Variants in ACOT11 observed in about 807,000 individuals in gnomAD.
ACOT11 encodes acyl-CoA thioesterase 11.
ACOT11 carries 69 observed loss-of-function variants against 77.5 expected under a neutral mutation model. The observed-to-expected ratio is 0.89, with a 90% CI of 0.73 to 1.09. ACOT11 has a LOEUF of 1.09. ACOT11 is among the 50% of genes least tolerant of loss of function. ACOT11 has a pLI of 0.00. For synonymous variants in ACOT11, 279 were observed against 313.0 expected (o/e 0.89, Z 1.15); for missense variants, 766 against 813.7 (o/e 0.94, Z 0.71).
intron 1 of ACOT11, among the ~76,000 whole-genome samples, chr1:54,562,299 G>A (rs1653540865): frequency 4.4e-5 from 5 of 113,918 alleles, no homozygotes; most frequent in African/African-American, 2.0e-4. Flanking sequence ...GGACGGGGCG[G>A]CTGGCCGGGT....
chr1:54,580,683 G>A (rs1654275265), intron 1 of ACOT11, among the ~76,000 whole-genome samples: 1 of 152,132 alleles, frequency 6.6e-6, no homozygotes. Flanking sequence ...CCCCAAATCT[G>A]TGCCAGGCAC....
chr1:54,612,600 T>G (rs773431784), downstream of ACOT11: 3 of 1,611,260 alleles, frequency 1.9e-6, no homozygotes, highest in Non-Finnish European at 8.5e-7. Flanking sequence ...GTGCATCTTC[T>G]CCACCATGGC....
At chr1:54,561,407 A>AC (rs1306383807) in intron 1 of ACOT11, among the ~76,000 whole-genome samples, 2 of 110,680 alleles carry the variant, frequency 1.8e-5, no homozygotes, top group Non-Finnish European at 3.6e-5. Flanking sequence ...TTCAGAGAGC[A>AC]CAGGGTTGGG....
chr1:54,611,494 C>T (rs1644117655), downstream of ACOT11: 3 of 1,108,914 alleles, frequency 2.7e-6, no homozygotes, highest in East Asian at 7.3e-5. Flanking sequence ...CCTGTCCCAC[C>T]CCGGCCTTCC....
At position 54,601,294 on chromosome 1, in the gene ACOT11, GC is replaced by G; in HGVS notation, c.912del (p.Tyr305IlefsTer17). The G allele has an allele frequency of 6.2e-7, 1 of 1,612,520 alleles. No individual in the cohort carries two copies. The highest frequency in any genetic ancestry group is 1.1e-5 in the South Asian group (1 of 91,082). On this transcript the variant is annotated frameshift_variant, in exon 9 of 16. Transcript: ENST00000343744. LOFTEE classifies it high-confidence loss of function. ...HSMEVGVCVE[A>X]YRQEAETHRR... ...CATGGAGGTGGGCGTGTGCGTGGAG[GC>G]CTATCGCCAGGAGGCTGAGACCCAC...
At chr1:54,601,989 C>T (rs930816333) in intron 9 of ACOT11, among the ~76,000 whole-genome samples, 2 of 152,264 alleles carry the variant, frequency 1.3e-5, no homozygotes, top group Non-Finnish European at 1.5e-5. Flanking sequence ...AGGCCGCTCC[C>T]TCCCTTGGGG....
chr1:54,572,093 C>T (rs191109083), intron 1 of ACOT11, among the ~76,000 whole-genome samples: 1 of 152,002 alleles, frequency 6.6e-6, no homozygotes, highest in African/African-American at 2.4e-5. Flanking sequence ...CCTGTCCTCC[C>T]TTCCTGCTCG....
chr1:54,584,750 C>T lies in ACOT11; in HGVS notation c.129C>T (p.Asn43=), dbSNP rs1396275471. 10 of 1,613,974 alleles carry T rather than the reference C, an allele frequency of 6.2e-6. No individual in the cohort carries two copies. The highest frequency in any genetic ancestry group is 5.3e-5 in the African/African-American group (4 of 74,922). Residue 43 remains asparagine, a synonymous_variant, in exon 2 of 16, where the codon AAC becomes AAT. Transcript: ENST00000343744. The surrounding 1 kb of genome is among the most constrained non-coding windows in gnomAD (Gnocchi z 6.3). ...TGGCAGACGGCGAGGGATACCGGAA[C>T]CCCACGGAGGTGCAGATGAGCCAGC... The part of the protein sequence containing the change: ...SAMADGEGYR[N]PTEVQMSQLV...
chr1:54,592,231 G>C (rs1157349861), intron 3 of ACOT11, among the ~76,000 whole-genome samples: 1 of 152,152 alleles, frequency 6.6e-6, no homozygotes, highest in East Asian at 1.9e-4. Context: ...GGTCCCCTGA[G>C]GAGGGGACCA....
chr1:54,614,450 C>A (rs1194362372), downstream of ACOT11, among the ~76,000 whole-genome samples: 2 of 152,040 alleles, frequency 1.3e-5, no homozygotes, highest in African/African-American at 4.8e-5. Flanking sequence ...GGTTGAGGGG[C>A]CCAGAGGAAG....
At chr1:54,600,176 T>G (rs1397082541) in intron 8 of ACOT11, among the ~76,000 whole-genome samples, 1 of 152,240 alleles carries the variant, frequency 6.6e-6, no homozygotes, top group Non-Finnish European at 1.5e-5. Flanking sequence ...CAGTCTGACT[T>G]GCACACGTTC....
intron 1 of ACOT11, among the ~76,000 whole-genome samples, chr1:54,581,075 T>C (rs972427970): frequency 6.6e-6 from 1 of 152,168 alleles, no homozygotes; most frequent in African/African-American, 2.4e-5. Context: ...TGAGGCTTGC[T>C]CTTTAGAAAG....
At position 54,609,878 on chromosome 1, in the gene ACOT11, G is replaced by A; in HGVS notation, c.*766G>A. ...GTTGCCACTTGGAGTATGAACAATG[G>A]GCACGGGGTTTTCAGCCACAGTTCC... On this transcript the variant is annotated 3_prime_UTR_variant, in exon 16 of 16. Transcript: ENST00000343744. The A allele has an allele frequency of 6.2e-7, 1 of 1,613,450 alleles. No individual in the cohort carries two copies. Among genetic ancestry groups the A allele is most frequent in the Non-Finnish European group, 8.5e-7 (1 of 1,180,004 alleles).
At chr1:54,617,709 ATTTTTTTTTTTTTTTTT>A (rs56229276) in intron 15 of ACOT11, among the ~76,000 whole-genome samples, 651 of 55,830 alleles carry the variant, frequency 0.012, 10 homozygotes, top group African/African-American at 0.043. Context: ...AGGGCCTGAG[ATTTTTTTTTTTTTTTTT>A]TTTTTTTTTT....
chr1:54,608,822 T>C, intron 15 of ACOT11, 135 bp from the exon 16 acceptor site: 10 of 831,134 alleles, frequency 1.2e-5, no homozygotes, highest in South Asian at 9.7e-5. Context: ...CCCTGGGGAG[T>C]TGGGTTGAAT....
rs144192149 is a variant in ACOT11 at position 54,601,294 on chromosome 1, G to A, written c.910G>A (p.Ala304Thr). 8.1e-6 allele frequency: 13 copies of A among 1,612,402 alleles called. No homozygotes were observed. The highest frequency in any genetic ancestry group is 1.0e-5 in the Non-Finnish European group (12 of 1,179,996). ...CATGGAGGTGGGCGTGTGCGTGGAG[G>A]CCTATCGCCAGGAGGCTGAGACCCA... ...HSMEVGVCVE[A>T]YRQEAETHRR... The change falls in exon 9 of 16, where the codon GCC becomes ACC. Residue 304 changes from alanine to threonine, a missense_variant. Ala to Thr is a moderately conservative substitution (Grantham distance 58, BLOSUM62 0). Transcript: ENST00000343744.
rs1337811637 is a variant in ACOT11, at chr1:54,608,983, A to C, written c.1656A>C (p.Pro552=). 1 of 1,613,720 alleles carries C rather than the reference A, an allele frequency of 6.2e-7. No individual in the cohort carries two copies. The highest frequency in any genetic ancestry group is 1.3e-5 in the African/African-American group (1 of 74,866). The change falls in exon 16 of 16, where the codon CCA becomes CCC. Residue 552 remains proline, a synonymous_variant. Coordinates refer to ENST00000343744, the MANE Select transcript of ACOT11 (RefSeq NM_147161.4). ...TATCCTACTACAACCAGGCCACCCC[A>C]GGTGTTCTCAACTATGTGACCACCA... ...TKVSYYNQAT[P]GVLNYVTTNV...
At chr1:54,581,175 T>A (rs1295003346) in intron 1 of ACOT11, among the ~76,000 whole-genome samples, 1 of 152,198 alleles carries the variant, frequency 6.6e-6, no homozygotes, top group African/African-American at 2.4e-5. Flanking sequence ...AGTTGTTGAG[T>A]TGGATTTGCT....
chr1:54,611,690 G>A (rs1193689675), downstream of ACOT11: 1 of 1,613,992 alleles, frequency 6.2e-7, no homozygotes, highest in Admixed American at 1.7e-5. Context: ...CGGACGTAGA[G>A]CAGATCTTCC....
Sources: allele counts gnomAD v4.1 joint callset (sites outside exome capture counted in the v4.1 genomes callset), GRCh38; gene constraint gnomAD v4.1.1; non-coding constraint Gnocchi (gnomAD v3.1); transcripts MANE v1.5; gene names NCBI Gene and HGNC (gene_info 2026-07-23, HGNC 2026-07-21).